Variants in SLFN13 observed in about 807,000 individuals in gnomAD.
SLFN13 encodes schlafen family member 13, also known as schlafen-13.
In SLFN13, 43 loss-of-function variants were observed where a neutral mutation model predicts 50.6. That is an observed-to-expected ratio of 0.85 (90% CI 0.67 to 1.09). The LOEUF is 1.09. Among genes scored for constraint, SLFN13 ranks in the 50% least tolerant of loss-of-function variants. SLFN13 has a pLI of 0.00. For synonymous variants in SLFN13, 339 were observed against 386.5 expected, an observed-to-expected ratio of 0.88 and a Z score of 1.44; for missense variants, 881 against 1,071.1, an observed-to-expected ratio of 0.82 and a Z score of 2.48.
chr17:35,443,522 G>A (rs540826584), intron 4 of SLFN13, among the ~76,000 whole-genome samples: 59 of 152,218 alleles, frequency 3.9e-4, no homozygotes, highest in Middle Eastern at 3.4e-3. Context: ...CCTTTCCCCT[G>A]GAAATTAAGC....
At position 35,445,080 on chromosome 17, in the gene SLFN13, C is replaced by T. The variant is rs1345088516; in HGVS notation, c.601G>A (p.Gly201Ser). 1.2e-6 allele frequency: 2 copies of T among 1,613,824 alleles called. No homozygotes were observed. The highest frequency in any genetic ancestry group is 1.7e-6 in the Non-Finnish European group (2 of 1,180,028). ...GACTCAGGAAAAGATAGGATTTCAC[C>T]ATATTCAATAGTGTCAGTTTGGAAA... is the stretch of plus-strand genomic sequence containing the variant. ...EVFQTDTIEY[G>S]EILSFPESPS... The change falls in exon 3 of 6, where the codon GGT becomes AGT. Residue 201 changes from glycine (G) to serine (S), a missense_variant. Physicochemically the swap from Gly to Ser is moderately conservative, Grantham distance 56. Coordinates refer to ENST00000285013, the MANE Select transcript of SLFN13 (RefSeq NM_144682.6).
rs1322967137 is a variant in SLFN13 at position 35,444,622 on chromosome 17, T to C, written c.1059A>G (p.Ala353=). ...AATCTGGTTCCCTCTTACCTGGATCTGCGTCCATCATTTTCTCTACCCATT... is the reference window on the plus strand; with the variant it reads ...AATCTGGTTCCCTCTTACCTGGATCCGCGTCCATCATTTTCTCTACCCATT... ...TEEWVEKMMD[A]DPEFPPDFAE... The change falls in exon 3 of 6, where the codon GCA becomes GCG. Residue 353 remains alanine, a synonymous_variant. Coordinates refer to ENST00000285013, the MANE Select transcript of SLFN13 (RefSeq NM_144682.6). 6.2e-7 allele frequency: 1 copy of C among 1,613,482 alleles called. No individual in the cohort carries two copies. Among genetic ancestry groups the C allele is most frequent in the African/African-American group, 1.3e-5 (1 of 74,928 alleles).
At chr17:35,448,320 G>C (rs1022606628) in intron 1 of SLFN13, 1 of 152,266 alleles carries the variant, frequency 6.6e-6, no homozygotes, top group Non-Finnish European at 1.5e-5. Context: ...CTGCCTGTTT[G>C]TTCCGCCCCC....
upstream of SLFN13, among the ~76,000 whole-genome samples, chr17:35,448,988 C>T (rs1478031823): frequency 6.6e-6 from 1 of 150,736 alleles, no homozygotes; most frequent in Non-Finnish European, 1.5e-5. Flanking sequence ...GCGGGTTCAT[C>T]GCTTGAGCCA....
At chr17:35,441,472 A>G (rs1167132328) in intron 5 of SLFN13, 91 bp downstream of exon 5, 2 of 1,594,032 alleles carry the variant, frequency 1.3e-6, no homozygotes, top group East Asian at 2.2e-5. Context: ...AGATCATTTT[A>G]CCACTCAATT....
chr17:35,438,381 T>A lies in SLFN13; in HGVS notation c.*2214A>T, dbSNP rs1363241569. The A allele has an allele frequency of 6.6e-6, 1 of 152,058 alleles. No individual in the cohort carries two copies. The highest frequency in any genetic ancestry group is 1.5e-5 in the Non-Finnish European group (1 of 67,996). 9.4% of individuals were successfully genotyped at this position (152,058 alleles called of 1,614,324 possible). ...CCTCTTTGGGCTGAACAAAAATTCA[T>A]AAATATTTATATATTTTAAAATATG... On this transcript the variant is annotated 3_prime_UTR_variant, in exon 6 of 6. Transcript: ENST00000285013.
chr17:35,441,788 C>G lies in SLFN13; in HGVS notation c.1697G>C (p.Ser566Thr). ...IVLLGFRSLL[S>T]DQLGCEVLNL... ...TAAAACCTCACAGCCGAGCTGGTCACTCAAGAGAGACCTGAAGCCGAGTAA... is the reference window on the plus strand; with the variant it reads ...TAAAACCTCACAGCCGAGCTGGTCAGTCAAGAGAGACCTGAAGCCGAGTAA... Residue 566 changes from serine (S) to threonine (T), a missense_variant, in exon 5 of 6, where the codon AGT becomes ACT. Around this residue, in one of 5 missense-constraint regions of SLFN13, gnomAD observed 22 missense variants for 132.0 expected, o/e 0.17. Coordinates refer to ENST00000285013, the MANE Select transcript of SLFN13 (RefSeq NM_144682.6). The G allele has an allele frequency of 1.3e-6, 2 of 1,510,072 alleles. No homozygotes were observed. 93.5% of individuals were successfully genotyped at this position (1,510,072 alleles called of 1,614,324 possible). A position where few individuals can be genotyped will look rare whatever the true frequency, so the allele number is the denominator to read the frequency against.
chr17:35,440,880 G>T lies in SLFN13; in HGVS notation c.2409C>A (p.Gly803=), dbSNP rs1298547601. 6.2e-7 allele frequency: 1 copy of T among 1,613,964 alleles called. No homozygotes were observed. The highest frequency in any genetic ancestry group is 8.5e-7 in the Non-Finnish European group (1 of 1,180,014). The change falls in exon 6 of 6, where the codon GGC becomes GGA. Residue 803 remains glycine (G), a synonymous_variant. Coordinates refer to ENST00000285013, the MANE Select transcript of SLFN13 (RefSeq NM_144682.6). ...GCACAGCAACATCCTTTGGAGAATA[G>T]CCCCTTTCAAAGAAGCACCTGCAGG... is the stretch of plus-strand genomic sequence containing the variant. ...ADTCRCFFER[G]YSPKDVAVLV...
Position 35,440,914 on chromosome 17 carries a change from ACATAGGT to A in SLFN13, c.2368_2374del (p.Thr790TrpfsTer25). The A allele has an allele frequency of 1.2e-6, 2 of 1,614,092 alleles. No homozygotes were observed. The highest frequency in any genetic ancestry group is 1.7e-6 in the Non-Finnish European group (2 of 1,180,020). On this transcript the variant is annotated frameshift_variant, in exon 6 of 6. Transcript: ENST00000285013. LOFTEE classifies it low-confidence loss of function (END_TRUNC). ...AAAGAAGCACCTGCAGGTGTCTGCC[ACATAGGT>A]CACTATTTGCTCCAAAGTAAAGTTT...
At chr17:35,446,183 C>T (rs1913207139) in intron 2 of SLFN13, among the ~76,000 whole-genome samples, 2 of 152,162 alleles carry the variant, frequency 1.3e-5, no homozygotes, top group Admixed American at 6.5e-5. Context: ...GTAGAAAAGT[C>T]TGAGTATGAA....
At chr17:35,443,942 T>C in intron 3 of SLFN13, 22 bp from the exon 4 acceptor site, 1 of 1,609,866 alleles carries the variant, frequency 6.2e-7, no homozygotes, top group South Asian at 1.1e-5. Flanking sequence ...AACATTTTAA[T>C]TTACACTATA....
At chr17:35,444,582 A>C (rs747119233) in intron 3 of SLFN13, 33 bp downstream of exon 3, 13 of 1,578,632 alleles carry the variant, frequency 8.2e-6, no homozygotes, top group Middle Eastern at 1.7e-4. Context: ...AGAGGTAGAA[A>C]GGTCAGGAAG....
chr17:35,442,421 TCTGG>T, intron 4 of SLFN13, 135 bp from the exon 5 acceptor site: 1 of 1,089,096 alleles, frequency 9.2e-7, no homozygotes, highest in Non-Finnish European at 1.3e-6. Flanking sequence ...CTGGTGCATC[TCTGG>T]TTTTTTGTTT....
In SLFN13 at chr17:35,441,058, T is replaced by A. The variant is rs771270610; in HGVS notation, c.2231A>T (p.Glu744Val). 6.2e-7 allele frequency: 1 copy of A among 1,613,836 alleles called. No individual in the cohort carries two copies. Among genetic ancestry groups the A allele is most frequent in the Non-Finnish European group, 8.5e-7 (1 of 1,180,010 alleles). Residue 744 changes from glutamate to valine, a missense_variant, in exon 6 of 6, where the codon GAA becomes GTA. Glu to Val is a moderately radical substitution (Grantham distance 121). Coordinates refer to ENST00000285013, the MANE Select transcript of SLFN13 (RefSeq NM_144682.6). Reference sequence around the variant, plus strand: ...AGGATTTTCTATAATTAGTTGCATTTCTTGTTGTATGTACTCGGCTATTTC... The same window carrying A: ...AGGATTTTCTATAATTAGTTGCATTACTTGTTGTATGTACTCGGCTATTTC... ...ADEIAEYIQQ[E>V]MQLIIENPPI...
chr17:35,446,767 C>T (rs139114178), intron 2 of SLFN13: 211 of 152,244 alleles, frequency 1.4e-3, no homozygotes, highest in African/African-American at 4.6e-3. Flanking sequence ...TAGGCAGAAA[C>T]ATGTTTAGAG....
rs1912617609 is a variant in SLFN13, at chr17:35,435,293, T to TATA, written c.*5301_*5302insTAT. 1 of 151,772 alleles carries TATA rather than the reference T, an allele frequency of 6.6e-6. No individual in the cohort carries two copies. The allele number at this position is 151,772 out of a possible 1,614,324, so 9.4% of individuals were successfully genotyped here. A position where few individuals can be genotyped will look rare whatever the true frequency, so the allele number is the denominator to read the frequency against. On this transcript the variant is annotated 3_prime_UTR_variant, in exon 6 of 6. Coordinates refer to ENST00000285013, the MANE Select transcript of SLFN13 (RefSeq NM_144682.6). ...CCTTGTGTTGCTATTCTTTATAGTGTTTTGCGGGGAGGGGGTTGGGGGGTT... is the reference window on the plus strand; with the variant it reads ...CCTTGTGTTGCTATTCTTTATAGTGTATATTTGCGGGGAGGGGGTTGGGGGGTT...
At position 35,441,180 on chromosome 17, in the gene SLFN13, G is replaced by A. The variant is rs1822403; in HGVS notation, c.2109C>T (p.Asp703=). Residue 703 remains aspartate, a synonymous_variant, in exon 6 of 6, where the codon GAC becomes GAT. Transcript: ENST00000285013. ...DCPGVLWIFL[D]YFQTSHLGHS... ...GACCCAAGTGACTGGTCTGAAAGTA[G>A]TCCAGAAAGATCCAGAGAACTCCTG... is the stretch of plus-strand genomic sequence containing the variant. 0.36 allele frequency: 584,196 copies of A among 1,613,688 alleles called. 109,325 individuals are homozygous for A. The highest frequency in any genetic ancestry group is 0.48 in the African/African-American group (35,865 of 74,894).
rs16970912 is a variant in SLFN13, at chr17:35,442,187, G to A, written c.1298C>T (p.Pro433Leu). The change falls in exon 5 of 6, where the codon CCT becomes CTT. Residue 433 changes from proline (P) to leucine (L), a missense_variant. Around this residue, in one of 5 missense-constraint regions of SLFN13, gnomAD observed 497 missense variants for 518.3 expected, o/e 0.96. Coordinates refer to ENST00000285013, the MANE Select transcript of SLFN13 (RefSeq NM_144682.6). ...GAGGATCACAATTCCCTGGGAGAAA[G>A]GTCGCATTTGCTTGTGTATTAACTC... Reference protein sequence around the residue: ...LKELIHKQMRPFSQGIVILSR... With the variant: ...LKELIHKQMRLFSQGIVILSR... The A allele has an allele frequency of 3.3e-3, 5,406 of 1,614,150 alleles. 121 individuals are homozygous for A. In the African/African-American group the frequency reaches 0.049, roughly 15 times the overall value.
At position 35,440,818 on chromosome 17, in the gene SLFN13, G is replaced by C. The variant is rs1026518610; in HGVS notation, c.2471C>G (p.Ser824Cys). 1 of 1,614,112 alleles carries C rather than the reference G, an allele frequency of 6.2e-7. No individual in the cohort carries two copies. Among genetic ancestry groups the C allele is most frequent in the South Asian group, 1.1e-5 (1 of 91,086 alleles). Residue 824 changes from serine to cysteine, a missense_variant, in exon 6 of 6, where the codon TCT (serine) becomes TGT (cysteine). By Grantham distance (112) the Ser-to-Cys change is moderately radical. This residue lies in a region of SLFN13 where 322 missense variants were observed against 327.4 expected (regional missense o/e 0.98). Coordinates refer to ENST00000285013, the MANE Select transcript of SLFN13 (RefSeq NM_144682.6). Reference protein sequence around the residue: ...STVTEVEQYQSKLLKAMRKKM... With the variant: ...STVTEVEQYQCKLLKAMRKKM... ...CTTCCTCATTGCTTTCAAGAGCTTA[G>C]ACTGATACTGCTCCACTTCTGTCAC...
Sources: gnomAD v4.1 joint callset for allele counts (sites outside exome capture counted in the v4.1 genomes callset) on GRCh38, gnomAD v4.1.1 for gene constraint, gnomAD v4.1.1 regional missense constraint, MANE v1.5 for transcripts, NCBI Gene and HGNC (gene_info 2026-07-23, HGNC 2026-07-21) for gene names.